Variants in NSMCE2 observed in about 807,000 individuals in gnomAD.
NSMCE2 encodes the protein E3 SUMO-protein ligase NSE2.
NSMCE2 carries 24 observed loss-of-function variants against 23.8 expected under a neutral mutation model. That is an observed-to-expected ratio of 1.01 (90% CI 0.73 to 1.42). The LOEUF (loss-of-function observed/expected upper bound fraction) is 1.42, where lower values mean the gene tolerates loss of function less well. Ranked by LOEUF, NSMCE2 falls within the 40% of genes most tolerant of loss-of-function variation. The pLI is 0.00. For synonymous variants in NSMCE2, 92 were observed against 94.1 expected (o/e 0.98, Z 0.13); for missense variants, 284 against 296.5 (o/e 0.96, Z 0.31).
chr8:125,282,049 G>A (rs1244278895), intron 5 of NSMCE2, among the ~76,000 whole-genome samples: 1 of 152,088 alleles, frequency 6.6e-6, no homozygotes, highest in Non-Finnish European at 1.5e-5. Context: ...AATACCCTGT[G>A]TAGTGTTGCA....
chr8:125,100,997 T>G (rs1818160211), intron 1 of NSMCE2, among the ~76,000 whole-genome samples: 1 of 152,218 alleles, frequency 6.6e-6, no homozygotes, highest in South Asian at 2.1e-4. Context: ...ATTCTCATGC[T>G]AAAGGAAGTG....
At chr8:125,364,194 T>C (rs1476189313) in intron 7 of NSMCE2, among the ~76,000 whole-genome samples, 1 of 152,222 alleles carries the variant, frequency 6.6e-6, no homozygotes, top group African/African-American at 2.4e-5. Flanking sequence ...TCCACCTGCC[T>C]CGGCCTCCCA....
intron 4 of NSMCE2, among the ~76,000 whole-genome samples, chr8:125,170,415 T>TTTTA (rs1199459816): frequency 7.5e-5 from 7 of 93,198 alleles, no homozygotes; most frequent in East Asian, 3.3e-4. Context: ...TTTTTTTTTT[T>TTTTA]AAGACAGAGT....
intron 5 of NSMCE2, among the ~76,000 whole-genome samples, chr8:125,210,805 C>A (rs1446005396): frequency 6.6e-6 from 1 of 152,142 alleles, no homozygotes; most frequent in Non-Finnish European, 1.5e-5. Flanking sequence ...ACTGCAACCT[C>A]CACCTCTGGG....
At chr8:125,286,319 T>TA (rs1283814212) in intron 5 of NSMCE2, among the ~76,000 whole-genome samples, 3 of 79,610 alleles carry the variant, frequency 3.8e-5, no homozygotes, top group African/African-American at 6.8e-5. Flanking sequence ...TTATTTATTT[T>TA]TTTTTTTTTT....
intron 5 of NSMCE2, among the ~76,000 whole-genome samples, chr8:125,205,879 A>G (rs992863047): frequency 6.6e-6 from 1 of 152,212 alleles, no homozygotes. Flanking sequence ...GATAATTATA[A>G]TCAATTGAAT....
At chr8:125,323,496 C>T (rs1339919226) in intron 5 of NSMCE2, among the ~76,000 whole-genome samples, 1 of 152,172 alleles carries the variant, frequency 6.6e-6, no homozygotes, top group African/African-American at 2.4e-5. Flanking sequence ...TAGATCCATG[C>T]ATAGGCAGCC....
chr8:125,304,313 T>G (rs1391172735), intron 5 of NSMCE2, among the ~76,000 whole-genome samples: 1 of 152,196 alleles, frequency 6.6e-6, no homozygotes, highest in Non-Finnish European at 1.5e-5. Context: ...AGTTGCCACC[T>G]CATTCCTAGT....
chr8:125,284,198 A>G (rs1477828898), intron 5 of NSMCE2, among the ~76,000 whole-genome samples: 1 of 7,726 alleles, frequency 1.3e-4, no homozygotes, highest in Non-Finnish European at 3.7e-4. Flanking sequence ...TTTAGAGAGT[A>G]AAAAAAAAAA....
intron 5 of NSMCE2, among the ~76,000 whole-genome samples, chr8:125,352,570 A>G (rs1586809934): frequency 6.6e-6 from 1 of 152,166 alleles, no homozygotes. Flanking sequence ...AAAATAGAAC[A>G]ACACATTGAT....
intron 3 of NSMCE2, among the ~76,000 whole-genome samples, chr8:125,148,834 C>T (rs1397127018): frequency 1.3e-5 from 2 of 151,980 alleles, no homozygotes; most frequent in African/African-American, 4.8e-5. Flanking sequence ...TAACTAAAAC[C>T]CCTAATCAAT....
At position 125,179,163 on chromosome 8, in the gene NSMCE2, C is replaced by G. The variant is rs114991903; in HGVS notation, c.265-2940C>G. On this transcript the variant is annotated intron_variant, in intron 4 of 7. Coordinates refer to ENST00000287437, the MANE Select transcript of NSMCE2 (RefSeq NM_173685.4). The stretch of plus-strand genomic sequence containing the variant: ...TTTTAATTCACTGAGATTCTAAGTC[C>G]TGTATCTGGGTAGACTTTATTATTG... 3.3e-3 allele frequency among the ~76,000 whole-genome samples: 495 copies of G among 152,210 alleles called. 1 individual carries two copies. Among genetic ancestry groups the G allele is most frequent in the African/African-American group, 0.011 (466 of 41,512 alleles).
chr8:125,182,179 A>G lies in NSMCE2; in HGVS notation c.341A>G (p.Lys114Arg), dbSNP rs1822855184. 2 of 1,607,064 alleles carry G rather than the reference A, an allele frequency of 1.2e-6. No individual in the cohort carries two copies. Among genetic ancestry groups the G allele is most frequent in the Non-Finnish European group, 1.7e-6 (2 of 1,175,844 alleles). ...VEKKFLALQSKNSDADFQNNE... is the reference protein window; with the variant it reads ...VEKKFLALQSRNSDADFQNNE... ...AAGAAATTTTTGGCTTTACAGAGCAAGAATTCTGATGCAGACTTTCAAAAT... is the reference window on the plus strand; with the variant it reads ...AAGAAATTTTTGGCTTTACAGAGCAGGAATTCTGATGCAGACTTTCAAAAT... Residue 114 changes from lysine (K) to arginine (R), a missense_variant, in exon 5 of 8, where the codon AAG becomes AGG. Around this residue, in one of 2 missense-constraint regions of NSMCE2, gnomAD observed 182 missense variants for 155.5 expected, o/e 1.17. Transcript: ENST00000287437.
At chr8:125,290,729 A>G (rs1208198190) in intron 5 of NSMCE2, among the ~76,000 whole-genome samples, 1 of 152,222 alleles carries the variant, frequency 6.6e-6, no homozygotes, top group African/African-American at 2.4e-5. Flanking sequence ...GCCATGGCAC[A>G]TGTCTGAATG....
chr8:125,340,584 AAT>A (rs1406131973), intron 5 of NSMCE2, among the ~76,000 whole-genome samples: 1 of 152,190 alleles, frequency 6.6e-6, no homozygotes, highest in Non-Finnish European at 1.5e-5. Context: ...TTTGGAATGA[AAT>A]AGTCATTGGC....
chr8:125,254,627 C>G (rs554151414), intron 5 of NSMCE2, among the ~76,000 whole-genome samples: 3 of 150,978 alleles, frequency 2.0e-5, no homozygotes, highest in South Asian at 2.1e-4. Context: ...TAATAAAGGA[C>G]TATAATTTGA....
intron 5 of NSMCE2, among the ~76,000 whole-genome samples, chr8:125,219,544 T>G (rs1210709128): frequency 6.6e-6 from 1 of 152,218 alleles, no homozygotes; most frequent in African/African-American, 2.4e-5. Context: ...TTCTAGGAAC[T>G]CTGAACACAT....
chr8:125,122,172 CAAAAAAAAAAAAA>C (rs796879544), intron 3 of NSMCE2, among the ~76,000 whole-genome samples: 1 of 45,976 alleles, frequency 2.2e-5, no homozygotes, highest in Non-Finnish European at 4.1e-5. Flanking sequence ...CTGGCTGAGC[CAAAAAAAAAAAAA>C]AAAAAAAAAA....
intron 5 of NSMCE2, among the ~76,000 whole-genome samples, chr8:125,275,694 TC>T (rs1414639168): frequency 6.6e-6 from 1 of 152,198 alleles, no homozygotes; most frequent in Admixed American, 6.5e-5. Flanking sequence ...ATTTATTGAG[TC>T]ACCTAATGTG....
Sources: gnomAD v4.1 joint callset for allele counts (sites outside exome capture counted in the v4.1 genomes callset) on GRCh38, gnomAD v4.1.1 for gene constraint, gnomAD v4.1.1 regional missense constraint, MANE v1.5 for transcripts, NCBI Gene and HGNC (gene_info 2026-07-23, HGNC 2026-07-21) for gene names.